C8B: variants seen among roughly 807,000 people sequenced by gnomAD.
C8B encodes complement C8 beta chain, also known as complement component C8 beta chain.
C8B carries 67 observed loss-of-function variants against 64.6 expected under a neutral mutation model. The observed-to-expected ratio is 1.04, with a 90% CI of 0.85 to 1.27. C8B has a LOEUF of 1.27. Ranked by LOEUF, C8B falls within the 50% of genes most tolerant of loss-of-function variation. C8B has a pLI of 0.00. For missense variants in C8B, 790 were observed against 725.2 expected, an observed-to-expected ratio of 1.09 and a Z score of -1.03; for synonymous variants, 284 against 257.7, an observed-to-expected ratio of 1.10 and a Z score of -0.98.
chr1:56,936,731 T>C (rs1644781935), intron 9 of C8B, among the ~76,000 whole-genome samples: 1 of 152,030 alleles, frequency 6.6e-6, no homozygotes, highest in East Asian at 1.9e-4. Flanking sequence ...AGTAGCTGGA[T>C]TACAGGCGCA....
intron 1 of C8B, among the ~76,000 whole-genome samples, chr1:56,962,385 G>A (rs1465148369): frequency 6.6e-6 from 1 of 152,154 alleles, no homozygotes; most frequent in African/African-American, 2.4e-5. Context: ...GAAAGGCTAG[G>A]ATTAAACAGC....
At chr1:56,938,699 G>A (rs1644807539) in intron 9 of C8B, among the ~76,000 whole-genome samples, 1 of 152,176 alleles carries the variant, frequency 6.6e-6, no homozygotes, top group Non-Finnish European at 1.5e-5. Context: ...TAGAAATCAT[G>A]TTTTAGGACT....
chr1:56,951,256 C>T (rs1469728812), intron 5 of C8B, among the ~76,000 whole-genome samples: 2 of 152,044 alleles, frequency 1.3e-5, no homozygotes, highest in African/African-American at 4.8e-5. Flanking sequence ...AAAAAGGGAG[C>T]AATTTTGGAA....
At chr1:56,953,969 G>A (rs1645062664) in intron 4 of C8B, among the ~76,000 whole-genome samples, 1 of 152,180 alleles carries the variant, frequency 6.6e-6, no homozygotes, top group Non-Finnish European at 1.5e-5. Flanking sequence ...TAAAAATTGA[G>A]ATTTGATGGG....
At position 56,945,942 on chromosome 1, in the gene C8B, G is replaced by A. The variant is rs779047210; in HGVS notation, c.984C>T (p.Tyr328=). The A allele has an allele frequency of 1.2e-6, 2 of 1,614,132 alleles. No individual in the cohort carries two copies. The highest frequency in any genetic ancestry group is 2.2e-5 in the East Asian group (1 of 44,858). Residue 328 remains tyrosine, a synonymous_variant, in exon 7 of 12, where the codon TAC becomes TAT. Transcript: ENST00000371237. ...LQRVKRLPLE[Y]SYGEYRDLFR... ...AGAGATCTCTGTATTCCCCGTAGCT[G>A]TACTCCAGGGGCAGCCGCTTAACTC...
Position 56,965,959 on chromosome 1 carries a change from T to A in C8B, c.-11A>T, listed in dbSNP as rs1360735054. The A allele has an allele frequency of 1.2e-6, 2 of 1,613,454 alleles. No homozygotes were observed. Among genetic ancestry groups the A allele is most frequent in the African/African-American group, 2.7e-5 (2 of 74,870 alleles). On this transcript the variant is annotated 5_prime_UTR_variant, in exon 1 of 12. Transcript: ENST00000371237. Reference sequence around the variant, plus strand: ...CCTGGAATTCTTCATTTTCCCAATGTGACAGGAGATGCCACAGAGGCTGCT... The same window carrying A: ...CCTGGAATTCTTCATTTTCCCAATGAGACAGGAGATGCCACAGAGGCTGCT...
chr1:56,960,053 A>G lies in C8B; in HGVS notation c.216T>C (p.Ser72=), dbSNP rs756845629. The change falls in exon 2 of 12, where the codon TCT becomes TCC. Residue 72 remains serine, a synonymous_variant. Coordinates refer to ENST00000371237, the MANE Select transcript of C8B (RefSeq NM_000066.4). ...PIDCELSSWS[S]WTTCDPCQKK... is the part of the protein sequence containing the mutation. ...TCTGACAGGGGTCACATGTGGTCCA[A>G]GAGGACCAACTAGACAGCTCACAAT... is the stretch of plus-strand genomic sequence containing the variant. The G allele has an allele frequency of 5.0e-6, 8 of 1,614,132 alleles. No homozygotes were observed. The highest frequency in any genetic ancestry group is 5.9e-6 in the Non-Finnish European group (7 of 1,180,000).
chr1:56,963,974 C>T (rs886273339), intron 1 of C8B: 15 of 985,242 alleles, frequency 1.5e-5, no homozygotes, highest in Non-Finnish European at 1.6e-5. Flanking sequence ...TTCTTCTACT[C>T]GCAGATGGAA....
intron 5 of C8B, 91 bp from the exon 6 acceptor site, chr1:56,949,843 T>C (rs754381759): frequency 2.3e-5 from 20 of 861,428 alleles, no homozygotes; most frequent in Non-Finnish European, 3.8e-5. Flanking sequence ...TCCTACCATG[T>C]GCTGGATACT....
Position 56,946,051 on chromosome 1 carries a change from A to C in C8B, c.875T>G (p.Phe292Cys). 2 of 1,614,154 alleles carry C rather than the reference A, an allele frequency of 1.2e-6. No homozygotes were observed. Among genetic ancestry groups the C allele is most frequent in the Non-Finnish European group, 1.7e-6 (2 of 1,180,018 alleles). Residue 292 changes from phenylalanine to cysteine, a missense_variant, in exon 7 of 12, where the codon TTT (phenylalanine) becomes TGT (cysteine). Phe to Cys is a radical substitution (Grantham distance 205). Transcript: ENST00000371237. ...TKRFSHTKSV[F>C]LHARSDLEVA... is the part of the protein sequence containing the mutation. ...TTCAAGGTCAGAGCGTGCATGCAGA[A>C]ATACGCTTTTCTAAATGAAATACCA...
chr1:56,956,265 C>T (rs1262751292), intron 3 of C8B, among the ~76,000 whole-genome samples: 5 of 152,194 alleles, frequency 3.3e-5, no homozygotes, highest in African/African-American at 1.2e-4. Context: ...AGCCAACAGT[C>T]TACAAAGAGC....
intron 10 of C8B, among the ~76,000 whole-genome samples, chr1:56,932,408 C>T (rs76652279): frequency 6.6e-6 from 1 of 152,266 alleles, no homozygotes; most frequent in African/African-American, 2.4e-5. Context: ...TCAGGCCCTG[C>T]AAGCATCCCA....
intron 7 of C8B, among the ~76,000 whole-genome samples, 180 bp from the exon 8 acceptor site, chr1:56,944,004 C>T (rs539973803): frequency 3.9e-5 from 6 of 152,236 alleles, no homozygotes; most frequent in Non-Finnish European, 7.4e-5. Context: ...GCAGAGACCT[C>T]GTAGAGCTCA....
intron 9 of C8B, among the ~76,000 whole-genome samples, chr1:56,938,543 C>T (rs1448372419): frequency 6.6e-6 from 1 of 152,096 alleles, no homozygotes; most frequent in Non-Finnish European, 1.5e-5. Flanking sequence ...AACATAATTT[C>T]AATCTTTTGT....
chr1:56,960,782 G>C (rs1261932026), intron 1 of C8B, among the ~76,000 whole-genome samples: 1 of 152,124 alleles, frequency 6.6e-6, no homozygotes, highest in African/African-American at 2.4e-5. Flanking sequence ...AGTGGATGCT[G>C]TTTTCCCATT....
chr1:56,942,156 A>G (rs1644872550), intron 8 of C8B, among the ~76,000 whole-genome samples: 1 of 152,224 alleles, frequency 6.6e-6, no homozygotes, highest in South Asian at 2.1e-4. Context: ...CAGATAAGAA[A>G]TCTGGGAGAG....
chr1:56,929,561 A>C lies in C8B; in HGVS notation c.1622-3T>G. 1 of 1,613,604 alleles carries C rather than the reference A, an allele frequency of 6.2e-7. No individual in the cohort carries two copies. The highest frequency in any genetic ancestry group is 8.5e-7 in the Non-Finnish European group (1 of 1,179,574). On this transcript the variant is annotated splice_polypyrimidine_tract_variant and splice_region_variant and intron_variant, in intron 11 of 11. Transcript: ENST00000371237. ...CCACTTCCCATCAATGGGGGTATCT[A>C]TAAGAAAGAAGGTCAATAAGCATCA... is the stretch of plus-strand genomic sequence containing the variant.
Position 56,952,032 on chromosome 1 carries a change from C to T in C8B, c.666+16G>A, listed in dbSNP as rs895612967. 3 of 1,613,530 alleles carry T rather than the reference C, an allele frequency of 1.9e-6. No homozygotes were observed. The highest frequency in any genetic ancestry group is 2.5e-6 in the Non-Finnish European group (3 of 1,180,018). ...TCAGCTGGGGCTCCCTCCACTGCTACCTGGCTGTCTCTTACCTGTGGCGTG... is the reference window on the plus strand; with the variant it reads ...TCAGCTGGGGCTCCCTCCACTGCTATCTGGCTGTCTCTTACCTGTGGCGTG... On this transcript the variant is annotated intron_variant, in intron 5 of 11. Coordinates refer to ENST00000371237, the MANE Select transcript of C8B (RefSeq NM_000066.4).
At chr1:56,955,097 G>C (rs1436273893) in intron 3 of C8B, among the ~76,000 whole-genome samples, 1 of 152,190 alleles carries the variant, frequency 6.6e-6, no homozygotes, top group Admixed American at 6.5e-5. Flanking sequence ...AAGAGGGGGT[G>C]GGATGGGTGT....
Sources: allele counts gnomAD v4.1 joint callset (sites outside exome capture counted in the v4.1 genomes callset), GRCh38; gene constraint gnomAD v4.1.1; transcripts MANE v1.5; gene names NCBI Gene and HGNC (gene_info 2026-07-23, HGNC 2026-07-21).